The following SEPTIN9 variants were observed in gnomAD, a reference collection of about 807,000 sequenced individuals.
SEPTIN9 encodes septin-9.
SEPTIN9 carries 13 observed loss-of-function variants against 56.6 expected under a neutral mutation model. The ratio of observed to expected loss-of-function variants is 0.23; its 90% CI spans 0.15 to 0.37. SEPTIN9 has a LOEUF of 0.37. SEPTIN9 is among the 10% of genes least tolerant of loss of function. SEPTIN9 has a pLI of 1.00. For synonymous variants in SEPTIN9, 332 were observed against 334.1 expected, an observed-to-expected ratio of 0.99 and a Z score of 0.07; for missense variants, 650 against 823.1, an observed-to-expected ratio of 0.79 and a Z score of 2.57.
chr17:77,482,450 C>T (rs1264134367), intron 4 of SEPTIN9, 115 bp downstream of exon 4: 3 of 1,059,934 alleles, frequency 2.8e-6, no homozygotes, highest in African/African-American at 3.1e-5. Context: ...GGCAGCAACC[C>T]TGACCTCAAG....
intron 3 of SEPTIN9, among the ~76,000 whole-genome samples, chr17:77,432,835 G>A (rs997756843): frequency 3.3e-5 from 5 of 152,256 alleles, no homozygotes; most frequent in Non-Finnish European, 5.9e-5. Context: ...CGGCTGAGCA[G>A]AGTTGCTGAC....
At position 77,288,902 on chromosome 17, in the gene SEPTIN9, C is replaced by A. The variant is rs117972165; in HGVS notation, c.19+7348C>A. 3.2e-3 allele frequency among the ~76,000 whole-genome samples: 486 copies of A among 152,166 alleles called. 10 individuals are homozygous for A. In the East Asian group the frequency reaches 0.057, roughly 18 times the overall value. ...GCACACAGAGGCCGGCACCGAGGGGCGGGGAGGAGGAGGTGGTGGATTTCT... is the reference window on the plus strand; with the variant it reads ...GCACACAGAGGCCGGCACCGAGGGGAGGGGAGGAGGAGGTGGTGGATTTCT... On this transcript the variant is annotated intron_variant, in intron 1 of 11. Coordinates refer to ENST00000427177, the MANE Select transcript of SEPTIN9 (RefSeq NM_001113491.2).
chr17:77,486,317 T>C (rs985708440), intron 4 of SEPTIN9, among the ~76,000 whole-genome samples: 3 of 151,890 alleles, frequency 2.0e-5, no homozygotes, highest in Admixed American at 6.6e-5. Flanking sequence ...TTGCCCAGGC[T>C]GGTCTTGAAC....
intron 1 of SEPTIN9, among the ~76,000 whole-genome samples, chr17:77,289,516 C>T (rs1300095095): frequency 6.7e-6 from 1 of 149,848 alleles, no homozygotes; most frequent in Non-Finnish European, 1.5e-5. Flanking sequence ...TCAAGCGATT[C>T]TCTTGCCTCA....
At chr17:77,373,730 C>A in intron 2 of SEPTIN9, 1 of 1,271,418 alleles carries the variant, frequency 7.9e-7, no homozygotes, top group Non-Finnish European at 1.0e-6. Flanking sequence ...CGTGCCCGCG[C>A]CGCCTACGTG....
chr17:77,434,067 C>T lies in SEPTIN9; in HGVS notation c.721+31364C>T, dbSNP rs1230710695. 1.3e-5 allele frequency among the ~76,000 whole-genome samples: 2 copies of T among 152,198 alleles called. No individual in the cohort carries two copies. Among genetic ancestry groups the T allele is most frequent in the Non-Finnish European group, 2.9e-5 (2 of 68,040 alleles). On this transcript the variant is annotated intron_variant, in intron 3 of 11. Transcript: ENST00000427177. This position sits in a 1 kb window ranked among gnomAD's most constrained non-coding sequence, Gnocchi z 5.0. The stretch of plus-strand genomic sequence containing the variant: ...TGTTCTGTGCGTTTTTCACATTTCT[C>T]ACTTCTCAAAGGCCCTGGGTTTGGT...
rs1330360578 is a variant in SEPTIN9 at position 77,476,020 on chromosome 17, G to A, written c.722-6124G>A. 1.8e-6 allele frequency: 2 copies of A among 1,122,840 alleles called. No homozygotes were observed. Among genetic ancestry groups the A allele is most frequent in the African/African-American group, 1.5e-5 (1 of 64,622 alleles). 69.6% of individuals were successfully genotyped at this position (1,122,840 alleles called of 1,614,324 possible). ...CTGAGCACTTTGTCCTGGGGTGCAG[G>A]CCCGGCTGTCACTCCCCTGGAGCTG... On this transcript the variant is annotated intron_variant, in intron 3 of 11. Transcript: ENST00000427177. This position sits in a 1 kb window ranked among gnomAD's most constrained non-coding sequence, Gnocchi z 6.0.
At chr17:77,447,238 C>T (rs549359260) in intron 3 of SEPTIN9, 2 of 166,884 alleles carry the variant, frequency 1.2e-5, no homozygotes, top group African/African-American at 4.8e-5. Context: ...TCCGGACGGG[C>T]AGGAGTTGAA....
intron 2 of SEPTIN9, among the ~76,000 whole-genome samples, chr17:77,359,207 G>C (rs753502297): frequency 2.6e-5 from 4 of 152,182 alleles, no homozygotes; most frequent in Non-Finnish European, 4.4e-5. Flanking sequence ...TTCTTCAGCT[G>C]GGCTTCCCTG....
rs918371731 is a variant in SEPTIN9, at chr17:77,434,437, CTTG to C, written c.721+31739_721+31741del. Among the ~76,000 whole-genome samples, 1 of 152,122 alleles carries C rather than the reference CTTG, an allele frequency of 6.6e-6. No individual in the cohort carries two copies. Among genetic ancestry groups the C allele is most frequent in the African/African-American group, 2.4e-5 (1 of 41,416 alleles). ...GCTCCCTCGTCCTGCACATCCTTCC[CTTG>C]TTGTGTTGTCTCGCTAGCATATGAG... On this transcript the variant is annotated intron_variant, in intron 3 of 11. Coordinates refer to ENST00000427177, the MANE Select transcript of SEPTIN9 (RefSeq NM_001113491.2). This position sits in a 1 kb window ranked among gnomAD's most constrained non-coding sequence, Gnocchi z 5.0.
chr17:77,402,437 T>A lies in SEPTIN9; in HGVS notation c.455T>A (p.Ile152Asn). ...GAACCGGCCCCTCGGAGGACGGAGA[T>A]CACCATCGTCAAACCCCAGGAGTCA... ...TPEPAPRRTE[I>N]TIVKPQESAH... Residue 152 changes from isoleucine (I) to asparagine (N), a missense_variant, in exon 3 of 12, where the codon ATC (isoleucine) becomes AAC (asparagine). By Grantham distance (149) the Ile-to-Asn change is moderately radical. This residue lies in a region of SEPTIN9 where 317 missense variants were observed against 329.1 expected (regional missense o/e 0.96). Coordinates refer to ENST00000427177, the MANE Select transcript of SEPTIN9 (RefSeq NM_001113491.2). The surrounding 1 kb of genome is among the most constrained non-coding windows in gnomAD (Gnocchi z 6.6). 1 of 1,610,334 alleles carries A rather than the reference T, an allele frequency of 6.2e-7. No individual in the cohort carries two copies. Among genetic ancestry groups the A allele is most frequent in the South Asian group, 1.1e-5 (1 of 90,608 alleles).
intron 2 of SEPTIN9, among the ~76,000 whole-genome samples, chr17:77,350,249 G>A (rs2034015274): frequency 6.6e-6 from 1 of 152,234 alleles, no homozygotes; most frequent in African/African-American, 2.4e-5. Context: ...TGGGCGGGAA[G>A]CCTGTTGAGC....
chr17:77,421,578 A>G lies in SEPTIN9; in HGVS notation c.721+18875A>G, dbSNP rs575479076. Among the ~76,000 whole-genome samples the G allele has an allele frequency of 1.1e-4, 16 of 152,266 alleles. No individual in the cohort carries two copies. The highest frequency in any genetic ancestry group is 7.8e-4 in the Admixed American group (12 of 15,292). On this transcript the variant is annotated intron_variant, in intron 3 of 11. Transcript: ENST00000427177. This position sits in a 1 kb window ranked among gnomAD's most constrained non-coding sequence, Gnocchi z 4.6. ...TCCTGTCCTGGGAGAAGGTATCCAC[A>G]TGTCCCAGAATGCACCCTCTGCGTG...
At chr17:77,443,078 T>C (rs888795664) in intron 3 of SEPTIN9, among the ~76,000 whole-genome samples, 8 of 151,950 alleles carry the variant, frequency 5.3e-5, no homozygotes, top group African/African-American at 1.9e-4. Context: ...ACCATCTTAA[T>C]AGGGGAAATG....
rs1044857893 is a variant in SEPTIN9 at position 77,318,014 on chromosome 17, G to A, written c.76+10817G>A. Among the ~76,000 whole-genome samples the A allele has an allele frequency of 6.6e-6, 1 of 152,090 alleles. No individual in the cohort carries two copies. Among genetic ancestry groups the A allele is most frequent in the Non-Finnish European group, 1.5e-5 (1 of 68,026 alleles). The stretch of plus-strand genomic sequence containing the variant: ...TGCAGTGAACTGAGATAGTGCCACT[G>A]TACTCCAGCCTGGGTGGCAGAGCGA... On this transcript the variant is annotated intron_variant, in intron 2 of 11. Coordinates refer to ENST00000427177, the MANE Select transcript of SEPTIN9 (RefSeq NM_001113491.2). This position sits in a 1 kb window ranked among gnomAD's most constrained non-coding sequence, Gnocchi z 4.9.
chr17:77,485,432 G>A (rs2039736068), intron 4 of SEPTIN9, among the ~76,000 whole-genome samples: 1 of 151,776 alleles, frequency 6.6e-6, no homozygotes, highest in South Asian at 2.1e-4. Context: ...TGGTGGTGAT[G>A]AGGGTGACGG....
intron 4 of SEPTIN9, chr17:77,483,522 AAG>A (rs1428941651): frequency 6.5e-6 from 1 of 152,946 alleles, no homozygotes; most frequent in Non-Finnish European, 1.5e-5. Flanking sequence ...GCTGGAGAGA[AAG>A]AGAGGGGAGA....
intron 2 of SEPTIN9, among the ~76,000 whole-genome samples, chr17:77,309,074 T>C (rs957405451): frequency 1.3e-5 from 2 of 152,246 alleles, no homozygotes; most frequent in African/African-American, 4.8e-5. Context: ...CCGCATCTGA[T>C]CTGCCTCTCC....
intron 3 of SEPTIN9, among the ~76,000 whole-genome samples, chr17:77,457,028 T>C (rs929828950): frequency 6.6e-6 from 1 of 152,218 alleles, no homozygotes; most frequent in Non-Finnish European, 1.5e-5. Context: ...CTCAGGGGAC[T>C]CAGACTCCTC....
Sources: allele counts gnomAD v4.1 joint callset (sites outside exome capture counted in the v4.1 genomes callset), GRCh38; gene constraint gnomAD v4.1.1; regional missense constraint gnomAD v4.1.1; non-coding constraint Gnocchi (gnomAD v3.1); transcripts MANE v1.5; gene names NCBI Gene and HGNC (gene_info 2026-07-23, HGNC 2026-07-21).